Variants in LRP1B observed in about 807,000 individuals in gnomAD.
LRP1B encodes the protein LDL receptor related protein 1B.
A neutral mutation model predicts 556.6 loss-of-function variants in LRP1B; 217 were observed. The observed-to-expected ratio is 0.39, with a 90% CI of 0.35 to 0.44. The LOEUF is 0.44. LRP1B is among the 20% of genes least tolerant of loss of function. The pLI, the probability that LRP1B is intolerant of heterozygous loss-of-function variation, is 1.00. For synonymous variants in LRP1B, 2,047 were observed against 1,865.8 expected, an observed-to-expected ratio of 1.10 and a Z score of -2.50; for missense variants, 5,053 against 5,620.8, an observed-to-expected ratio of 0.90 and a Z score of 3.23.
intron 1 of LRP1B, among the ~76,000 whole-genome samples, chr2:141,864,709 G>A (rs1320164156): frequency 6.6e-6 from 1 of 151,962 alleles, no homozygotes; most frequent in South Asian, 2.1e-4. Context: ...GTGAAACCCC[G>A]TCTCTACTAA....
chr2:141,039,388 G>A (rs1317163526), intron 11 of LRP1B, among the ~76,000 whole-genome samples: 1 of 151,896 alleles, frequency 6.6e-6, no homozygotes, highest in Non-Finnish European at 1.5e-5. Flanking sequence ...TTTATCACAG[G>A]TATGTGTGCA....
chr2:140,320,212 T>C (rs1680027278), intron 82 of LRP1B, among the ~76,000 whole-genome samples: 1 of 152,302 alleles, frequency 6.6e-6, no homozygotes, highest in Admixed American at 6.5e-5. Flanking sequence ...CTGTCTCTTC[T>C]GTGGCTTGTG....
At chr2:142,089,774 A>T (rs1036796035) in intron 1 of LRP1B, among the ~76,000 whole-genome samples, 1 of 152,232 alleles carries the variant, frequency 6.6e-6, no homozygotes, top group Non-Finnish European at 1.5e-5. Flanking sequence ...CCATAAATTT[A>T]AATTTAACTG....
intron 7 of LRP1B, among the ~76,000 whole-genome samples, chr2:141,078,571 C>T (rs1462309573): frequency 6.6e-6 from 1 of 152,120 alleles, no homozygotes; most frequent in Non-Finnish European, 1.5e-5. Flanking sequence ...GCATCGGTCA[C>T]TGTATCTGAG....
In LRP1B at chr2:141,229,163, T is replaced by C. The variant is rs201965340; in HGVS notation, c.850+20A>G. 386 of 1,610,332 alleles carry C rather than the reference T, an allele frequency of 2.4e-4. 2 individuals are homozygous for C. Among genetic ancestry groups the C allele is most frequent in the Middle Eastern group, 8.3e-4 (5 of 6,042 alleles). ...GAAATCAGTAAAGGGTGGCATATAA[T>C]ATTTAATTGAAACACTTACTGTGGA... On this transcript the variant is annotated intron_variant, in intron 6 of 90. Coordinates refer to ENST00000389484, the MANE Select transcript of LRP1B (RefSeq NM_018557.3).
Position 141,099,061 on chromosome 2 carries a change from G to C in LRP1B, c.1014-36788C>G, listed in dbSNP as rs558312312. Among the ~76,000 whole-genome samples the C allele has an allele frequency of 2.6e-5, 4 of 152,164 alleles. No individual in the cohort carries two copies. In the South Asian group the frequency reaches 8.3e-4, roughly 32 times the overall value. On this transcript the variant is annotated intron_variant, in intron 7 of 90. Coordinates refer to ENST00000389484, the MANE Select transcript of LRP1B (RefSeq NM_018557.3). ...TGCAGGTAAAAGCATAAGTCTAGGG[G>C]ACATGGAAAATTATAATCTCCAAAC...
chr2:140,738,597 T>A (rs1399272703), intron 35 of LRP1B, among the ~76,000 whole-genome samples: 1 of 152,208 alleles, frequency 6.6e-6, no homozygotes, highest in Non-Finnish European at 1.5e-5. Flanking sequence ...CCCCTTTGAA[T>A]GGCAACTTTG....
intron 11 of LRP1B, among the ~76,000 whole-genome samples, chr2:141,038,140 A>T (rs1043549070): frequency 8.5e-4 from 22 of 25,886 alleles, no homozygotes; most frequent in Non-Finnish European, 1.8e-3. Flanking sequence ...AAAAATAATT[A>T]AAAAAAAAAT....
chr2:140,319,775 T>G (rs1321904784), intron 82 of LRP1B, among the ~76,000 whole-genome samples: 1 of 152,154 alleles, frequency 6.6e-6, no homozygotes, highest in Non-Finnish European at 1.5e-5. Flanking sequence ...AATGTTCACT[T>G]GATTCTCTTA....
At chr2:141,564,924 T>A (rs1038455282) in intron 2 of LRP1B, among the ~76,000 whole-genome samples, 5 of 151,916 alleles carry the variant, frequency 3.3e-5, no homozygotes, top group Non-Finnish European at 7.4e-5. Flanking sequence ...ATAATGATAA[T>A]CATAATCACA....
Position 141,038,328 on chromosome 2 carries a change from T to A in LRP1B, c.1789+10658A>T, listed in dbSNP as rs562295753. Among the ~76,000 whole-genome samples the A allele has an allele frequency of 3.3e-5, 5 of 152,218 alleles. No individual in the cohort carries two copies. The South Asian group carries it at 1.0e-3, about 32-fold the overall frequency. Reference sequence around the variant, plus strand: ...GTGTGTATATATGGTGGACTATGCATTCTAATGACCAAATTGAGATTTCAT... The same window carrying A: ...GTGTGTATATATGGTGGACTATGCAATCTAATGACCAAATTGAGATTTCAT... On this transcript the variant is annotated intron_variant, in intron 11 of 90. Coordinates refer to ENST00000389484, the MANE Select transcript of LRP1B (RefSeq NM_018557.3).
chr2:140,523,856 A>G (rs1342183479), intron 49 of LRP1B, among the ~76,000 whole-genome samples: 1 of 151,962 alleles, frequency 6.6e-6, no homozygotes, highest in Non-Finnish European at 1.5e-5. Flanking sequence ...TATGATCTCA[A>G]ACTATAAAAA....
At chr2:140,323,470 T>C (rs979735857) in intron 81 of LRP1B, among the ~76,000 whole-genome samples, 2 of 151,984 alleles carry the variant, frequency 1.3e-5, no homozygotes, top group Admixed American at 1.3e-4. Flanking sequence ...AGTTCGTCTA[T>C]GCACTCACAA....
chr2:141,488,381 T>C (rs1412003187), intron 2 of LRP1B, among the ~76,000 whole-genome samples: 2 of 152,206 alleles, frequency 1.3e-5, no homozygotes, highest in African/African-American at 4.8e-5. Context: ...TGATTATCGC[T>C]ACCTAGTTAC....
At chr2:141,506,269 T>C (rs1343199821) in intron 2 of LRP1B, among the ~76,000 whole-genome samples, 1 of 152,156 alleles carries the variant, frequency 6.6e-6, no homozygotes, top group African/African-American at 2.4e-5. Flanking sequence ...TCATTAGTTA[T>C]AAGAAGTCTG....
At chr2:140,824,129 T>A (rs201673604) in intron 31 of LRP1B, among the ~76,000 whole-genome samples, 1 of 150,700 alleles carries the variant, frequency 6.6e-6, no homozygotes, top group African/African-American at 2.4e-5. Context: ...TTTAAAAAAA[T>A]AAAAAAAAAT....
chr2:141,665,900 C>A (rs1292806030), intron 2 of LRP1B, among the ~76,000 whole-genome samples: 1 of 151,850 alleles, frequency 6.6e-6, no homozygotes, highest in Non-Finnish European at 1.5e-5. Context: ...TAAGTGGGAG[C>A]TAAACAATGA....
intron 7 of LRP1B, among the ~76,000 whole-genome samples, chr2:141,064,937 C>T (rs746741547): frequency 6.6e-6 from 1 of 151,864 alleles, no homozygotes; most frequent in Non-Finnish European, 1.5e-5. Flanking sequence ...GTAAATGGTG[C>T]TCTGCAAACT....
intron 3 of LRP1B, among the ~76,000 whole-genome samples, chr2:141,370,626 T>C (rs1291420614): frequency 6.6e-6 from 1 of 152,198 alleles, no homozygotes; most frequent in Non-Finnish European, 1.5e-5. Context: ...GTTATTTCTT[T>C]TGCTGTGCAG....
Sources: gnomAD v4.1 joint callset for allele counts (sites outside exome capture counted in the v4.1 genomes callset) on GRCh38, gnomAD v4.1.1 for gene constraint, MANE v1.5 for transcripts, NCBI Gene and HGNC (gene_info 2026-07-23, HGNC 2026-07-21) for gene names.